The following STXBP4 variants were observed in gnomAD, a reference collection of about 807,000 sequenced individuals.
The protein encoded by STXBP4 is syntaxin binding protein 4, also known as syntaxin-binding protein 4.
STXBP4 carries 55 observed loss-of-function variants against 76.1 expected under a neutral mutation model. That is an observed-to-expected ratio of 0.72 (90% CI 0.58 to 0.91). The LOEUF (loss-of-function observed/expected upper bound fraction) is 0.91, where lower values mean the gene tolerates loss of function less well. Among genes scored for constraint, STXBP4 ranks in the 40% least tolerant of loss-of-function variants. The probability of loss-of-function intolerance (pLI) is 0.00; values close to 1 mark genes in which losing one functional copy is unlikely to be tolerated. For missense variants in STXBP4, 618 were observed against 636.9 expected (o/e 0.97, Z 0.32); for synonymous variants, 201 against 220.2 (o/e 0.91, Z 0.77).
chr17:54,989,254 T>C (rs1226960588), intron 3 of STXBP4, among the ~76,000 whole-genome samples: 2 of 152,060 alleles, frequency 1.3e-5, no homozygotes, highest in African/African-American at 4.8e-5. Flanking sequence ...ACTATAGGCG[T>C]CCACCACCGC....
intron 16 of STXBP4, among the ~76,000 whole-genome samples, chr17:55,108,416 C>A (rs1567765828): frequency 6.6e-6 from 1 of 152,244 alleles, no homozygotes; most frequent in African/African-American, 2.4e-5. Context: ...GGGGAGTGAA[C>A]AGTTCTGTCT....
intron 17 of STXBP4, among the ~76,000 whole-genome samples, chr17:55,149,412 G>A (rs2080190970): frequency 6.6e-6 from 1 of 152,102 alleles, no homozygotes; most frequent in Non-Finnish European, 1.5e-5. Context: ...CCTTGGTAGT[G>A]GTAAGTTATT....
chr17:55,137,346 A>T (rs2080043429), intron 16 of STXBP4, among the ~76,000 whole-genome samples: 1 of 141,864 alleles, frequency 7.0e-6, no homozygotes, highest in African/African-American at 2.6e-5. Flanking sequence ...AGTTAAACCT[A>T]TTTGAGTTTG....
intron 8 of STXBP4, among the ~76,000 whole-genome samples, chr17:55,020,525 A>C (rs2078291247): frequency 6.6e-6 from 1 of 151,972 alleles, no homozygotes; most frequent in Non-Finnish European, 1.5e-5. Context: ...ATTTTTTTTA[A>C]TTATACTTTC....
chr17:55,190,651 C>T, the STXBP4 span, among the ~76,000 whole-genome samples: 2 of 152,166 alleles, frequency 1.3e-5, no homozygotes, highest in Non-Finnish European at 2.9e-5. Flanking sequence ...AATGGTGGAT[C>T]TGCTCCCGAG....
chr17:55,006,649 G>A (rs1162081938), intron 7 of STXBP4, among the ~76,000 whole-genome samples: 1 of 152,102 alleles, frequency 6.6e-6, no homozygotes, highest in African/African-American at 2.4e-5. Flanking sequence ...TAGAAAAATG[G>A]GTAAGAAGTG....
intron 11 of STXBP4, chr17:55,043,713 A>G: frequency 7.1e-7 from 1 of 1,418,320 alleles, no homozygotes; most frequent in South Asian, 1.3e-5. Context: ...GTGCAGGGCT[A>G]TTCTTAAGGG....
chr17:55,046,168 T>A (rs2078783648), intron 11 of STXBP4, among the ~76,000 whole-genome samples: 2 of 151,996 alleles, frequency 1.3e-5, no homozygotes, highest in Admixed American at 6.6e-5. Flanking sequence ...TATTTTCCAT[T>A]TACAGATACA....
chr17:55,104,059 A>G (rs1000702378), intron 16 of STXBP4, among the ~76,000 whole-genome samples: 20 of 152,174 alleles, frequency 1.3e-4, no homozygotes, highest in African/African-American at 4.8e-4. Context: ...ATATACAATC[A>G]TGTCATTTGC....
At chr17:55,149,003 A>G (rs567353643) in intron 17 of STXBP4, among the ~76,000 whole-genome samples, 1 of 152,324 alleles carries the variant, frequency 6.6e-6, no homozygotes, top group African/African-American at 2.4e-5. Flanking sequence ...CAGACTAGAT[A>G]AGGAGAATAT....
At chr17:55,049,646 G>C (rs1053487776) in intron 12 of STXBP4, among the ~76,000 whole-genome samples, 1 of 151,650 alleles carries the variant, frequency 6.6e-6, no homozygotes, top group Admixed American at 6.6e-5. Flanking sequence ...AAGTAAAAAG[G>C]ACACACAAAG....
At chr17:55,067,316 G>A (rs2079065014) in intron 12 of STXBP4, among the ~76,000 whole-genome samples, 1 of 152,068 alleles carries the variant, frequency 6.6e-6, no homozygotes, top group African/African-American at 2.4e-5. Flanking sequence ...AGATAAAAAA[G>A]GAGAGAAAGA....
At chr17:55,117,855 A>G (rs2145078543) in intron 16 of STXBP4, among the ~76,000 whole-genome samples, 2 of 151,982 alleles carry the variant, frequency 1.3e-5, no homozygotes, top group Middle Eastern at 6.8e-3. Flanking sequence ...CCTTTCACCA[A>G]CAGATATTGA....
chr17:55,026,836 A>G (rs916642933), intron 8 of STXBP4, among the ~76,000 whole-genome samples: 2 of 152,164 alleles, frequency 1.3e-5, no homozygotes, highest in African/African-American at 4.8e-5. Context: ...TCTCTTGTCG[A>G]GAACCAGGGG....
chr17:55,050,387 C>T (rs1432946892), intron 12 of STXBP4, among the ~76,000 whole-genome samples: 1 of 152,096 alleles, frequency 6.6e-6, no homozygotes, highest in Non-Finnish European at 1.5e-5. Context: ...CTCTTTCTCT[C>T]ATAATAAAAG....
chr17:55,054,859 A>G lies in STXBP4; in HGVS notation c.1011+7705A>G, dbSNP rs975565231. Among the ~76,000 whole-genome samples, 8 of 152,172 alleles carry G rather than the reference A, an allele frequency of 5.3e-5. No homozygotes were observed. In the East Asian group the frequency reaches 5.8e-4, roughly 11 times the overall value. The stretch of plus-strand genomic sequence containing the variant: ...AACTGAGGGCATAAGGGGACTTTTC[A>G]TAGATAAGGTGGCACGTGAGCTGAC... On this transcript the variant is annotated intron_variant, in intron 12 of 17. Transcript: ENST00000376352.
chr17:55,089,556 A>T (rs905541470), intron 16 of STXBP4, among the ~76,000 whole-genome samples: 1 of 152,180 alleles, frequency 6.6e-6, no homozygotes, highest in Admixed American at 6.5e-5. Context: ...GGCATTTTTA[A>T]TCAGTATTGG....
chr17:55,173,748 G>A (rs548596313), downstream of STXBP4: 6 of 152,302 alleles, frequency 3.9e-5, no homozygotes, highest in African/African-American at 1.2e-4. Context: ...AAAATTACAT[G>A]AATTTAGTGA....
chr17:54,995,478 T>C (rs1033653102), intron 4 of STXBP4, among the ~76,000 whole-genome samples: 3 of 152,316 alleles, frequency 2.0e-5, no homozygotes, highest in South Asian at 2.1e-4. Flanking sequence ...AAGCTATGCA[T>C]GCACACACAC....
Sources: gnomAD v4.1 joint callset for allele counts (sites outside exome capture counted in the v4.1 genomes callset) on GRCh38, gnomAD v4.1.1 for gene constraint, MANE v1.5 for transcripts, NCBI Gene and HGNC (gene_info 2026-07-23, HGNC 2026-07-21) for gene names.